Variants in GABRG3 observed in about 807,000 individuals in gnomAD.
GABRG3 encodes the protein gamma-aminobutyric acid type A receptor subunit gamma3, also known as gamma-aminobutyric acid receptor subunit gamma-3.
A neutral mutation model predicts 48.8 loss-of-function variants in GABRG3; 25 were observed. The ratio of observed to expected loss-of-function variants is 0.51; its 90% confidence interval spans 0.37 to 0.72. The LOEUF (loss-of-function observed/expected upper bound fraction) is 0.72, where lower values mean the gene tolerates loss of function less well. Ranked by LOEUF, GABRG3 falls within the 30% of genes least tolerant of loss-of-function variation. The probability of loss-of-function intolerance (pLI) is 0.00; values close to 1 mark genes in which losing one functional copy is unlikely to be tolerated. For missense variants in GABRG3, 394 were observed against 577.9 expected, an observed-to-expected ratio of 0.68 and a Z score of 3.26; for synonymous variants, 227 against 217.6, an observed-to-expected ratio of 1.04 and a Z score of -0.38.
chr15:27,393,203 G>C (rs1373404795), intron 5 of GABRG3, among the ~76,000 whole-genome samples: 3 of 152,114 alleles, frequency 2.0e-5, no homozygotes, highest in South Asian at 2.1e-4. Context: ...AATTAGCCAG[G>C]CGTGGTGGCG....
intron 6 of GABRG3, among the ~76,000 whole-genome samples, chr15:27,487,989 C>T (rs974078204): frequency 2.0e-5 from 3 of 152,138 alleles, no homozygotes; most frequent in Admixed American, 6.5e-5. Flanking sequence ...GAGGGCGAGC[C>T]GTCCTGTAGC....
intron 3 of GABRG3, among the ~76,000 whole-genome samples, chr15:27,104,737 A>G (rs1897420748): frequency 6.6e-6 from 1 of 152,252 alleles, no homozygotes; most frequent in African/African-American, 2.4e-5. Context: ...CAGACTGTGC[A>G]ATACACTGAA....
At chr15:27,134,625 A>C (rs1033704852) in intron 3 of GABRG3, among the ~76,000 whole-genome samples, 3 of 151,858 alleles carry the variant, frequency 2.0e-5, no homozygotes, top group East Asian at 1.9e-4. Context: ...CTCCTCTCCT[A>C]GTGTTCACTG....
rs1015756719 is a variant in GABRG3, at chr15:27,537,305, C to T, written c.*4424C>T. 6.6e-6 allele frequency: 1 copy of T among 152,178 alleles called. No individual in the cohort carries two copies. The highest frequency in any genetic ancestry group is 2.4e-5 in the African/African-American group (1 of 41,446). 9.4% of individuals were successfully genotyped at this position (152,178 alleles called of 1,614,324 possible). Reference sequence around the variant, plus strand: ...GGGGGAAAGAACCAGACTACGAATACATTGGAAATGTTAAATTTACAATAT... The same window carrying T: ...GGGGGAAAGAACCAGACTACGAATATATTGGAAATGTTAAATTTACAATAT... On this transcript the variant is annotated 3_prime_UTR_variant, in exon 10 of 10. Coordinates refer to ENST00000615808, the MANE Select transcript of GABRG3 (RefSeq NM_033223.5).
chr15:27,157,810 A>G (rs1328193114), intron 3 of GABRG3: 1 of 152,270 alleles, frequency 6.6e-6, no homozygotes, highest in African/African-American at 2.4e-5. Flanking sequence ...CTGTGTGCAC[A>G]GTGTCAGAAG....
intron 3 of GABRG3, among the ~76,000 whole-genome samples, chr15:27,221,903 T>C (rs1268670634): frequency 6.6e-6 from 1 of 152,230 alleles, no homozygotes; most frequent in Admixed American, 6.5e-5. Flanking sequence ...ACTAGGAGTT[T>C]GTATGATTGT....
chr15:27,043,473 G>T (rs537591789), intron 3 of GABRG3, among the ~76,000 whole-genome samples: 3 of 152,152 alleles, frequency 2.0e-5, no homozygotes, highest in Non-Finnish European at 4.4e-5. Flanking sequence ...GTCAGAAGGG[G>T]CCAGCTCACC....
chr15:26,976,868 T>C lies in GABRG3; in HGVS notation c.54-134T>C. 1 of 775,576 alleles carries C rather than the reference T, an allele frequency of 1.3e-6. No individual in the cohort carries two copies. Among genetic ancestry groups the C allele is most frequent in the Non-Finnish European group, 2.1e-6 (1 of 475,206 alleles). The allele number at this position is 775,576 out of a possible 1,614,324, so 48.0% of individuals were successfully genotyped here. On this transcript the variant is annotated intron_variant, in intron 1 of 9. Transcript: ENST00000615808. This position sits in a 1 kb window ranked among gnomAD's most constrained non-coding sequence, Gnocchi z 7.8. ...TTCTTTTTAGAAAATATTTTCGGGT[T>C]TTCACGTGTGTGGTTGGGCTGTGGG...
At chr15:27,478,825 G>A (rs931372762) in intron 5 of GABRG3, among the ~76,000 whole-genome samples, 23 of 152,296 alleles carry the variant, frequency 1.5e-4, no homozygotes, top group African/African-American at 5.5e-4. Context: ...AATGAGAATG[G>A]AGTACTGATG....
chr15:27,359,000 G>C (rs567593750), intron 5 of GABRG3, among the ~76,000 whole-genome samples: 1 of 152,226 alleles, frequency 6.6e-6, no homozygotes, highest in Non-Finnish European at 1.5e-5. Flanking sequence ...CAGGCTCAGC[G>C]CAAGAGCCGC....
chr15:27,248,870 A>G (rs1219917905), intron 3 of GABRG3, among the ~76,000 whole-genome samples: 1 of 149,770 alleles, frequency 6.7e-6, no homozygotes, highest in African/African-American at 2.5e-5. Context: ...TGAAGAGGGC[A>G]GGGGCTGTGG....
chr15:27,280,842 C>T (rs1232872241), intron 3 of GABRG3, among the ~76,000 whole-genome samples: 1 of 152,108 alleles, frequency 6.6e-6, no homozygotes, highest in Non-Finnish European at 1.5e-5. Context: ...TAAGCCCATT[C>T]ATTAAATATA....
chr15:27,004,991 T>C (rs1304855966), intron 2 of GABRG3, among the ~76,000 whole-genome samples: 1 of 152,084 alleles, frequency 6.6e-6, no homozygotes, highest in African/African-American at 2.4e-5. Context: ...GCGGGGTGAC[T>C]GGAAAGGCAA....
At chr15:27,146,977 C>G (rs1041805930) in intron 3 of GABRG3, among the ~76,000 whole-genome samples, 1 of 151,902 alleles carries the variant, frequency 6.6e-6, no homozygotes, top group Non-Finnish European at 1.5e-5. Context: ...ATATTGCAGT[C>G]AAAAGGCAGA....
intron 3 of GABRG3, among the ~76,000 whole-genome samples, chr15:27,217,148 G>A (rs1889287267): frequency 6.6e-6 from 1 of 151,832 alleles, no homozygotes; most frequent in Non-Finnish European, 1.5e-5. Flanking sequence ...TGGTGTATAT[G>A]TGCCACATTT....
At chr15:26,984,003 C>T (rs1389729504) in intron 2 of GABRG3, among the ~76,000 whole-genome samples, 5 of 152,116 alleles carry the variant, frequency 3.3e-5, no homozygotes, top group Admixed American at 1.3e-4. Flanking sequence ...GTCTTCGAGC[C>T]TCGTTGTCGC....
intron 5 of GABRG3, among the ~76,000 whole-genome samples, chr15:27,344,834 C>T (rs1894312386): frequency 6.6e-6 from 1 of 151,982 alleles, no homozygotes; most frequent in South Asian, 2.1e-4. Flanking sequence ...ATATATTTCT[C>T]TTTCAATTCT....
intron 5 of GABRG3, among the ~76,000 whole-genome samples, chr15:27,330,254 T>A (rs1250913529): frequency 6.6e-6 from 1 of 152,032 alleles, no homozygotes; most frequent in African/African-American, 2.4e-5. Context: ...TATAAATAAA[T>A]AAATAAATAA....
In GABRG3 at chr15:27,096,838, CTTT is replaced by C. The variant is rs34613626; in HGVS notation, c.270+70033_270+70035del. Among the ~76,000 whole-genome samples the C allele has an allele frequency of 7.6e-3, 956 of 126,122 alleles. 4 individuals are homozygous for C. The highest frequency in any genetic ancestry group is 0.025 in the African/African-American group (825 of 33,168). The allele number at this position is 126,122 out of a possible 152,430, so 82.7% of individuals were successfully genotyped here. ...TGAGATTCTTTTCTTTTCTTTCTAT[CTTT>C]TTTTTTTTTTTTTTTGGGAGAATGT... On this transcript the variant is annotated intron_variant, in intron 3 of 9. Coordinates refer to ENST00000615808, the MANE Select transcript of GABRG3 (RefSeq NM_033223.5).
Sources: allele counts gnomAD v4.1 joint callset (sites outside exome capture counted in the v4.1 genomes callset), GRCh38; gene constraint gnomAD v4.1.1; non-coding constraint Gnocchi (gnomAD v3.1); transcripts MANE v1.5; gene names NCBI Gene and HGNC (gene_info 2026-07-23, HGNC 2026-07-21).